The following WLS variants were observed in gnomAD, a reference collection of about 807,000 sequenced individuals.
WLS encodes the protein protein wntless homolog.
WLS carries 23 observed loss-of-function variants against 62.8 expected under a neutral mutation model. The ratio of observed to expected loss-of-function variants is 0.37; its 90% CI spans 0.26 to 0.52. The LOEUF (loss-of-function observed/expected upper bound fraction) is 0.52. Among genes scored for constraint, WLS ranks in the 20% least tolerant of loss-of-function variants. The pLI, the probability that WLS is intolerant of heterozygous loss-of-function variation, is 0.92. For synonymous variants in WLS, 246 were observed against 244.1 expected, an observed-to-expected ratio of 1.01 and a Z score of -0.07; for missense variants, 615 against 697.3, an observed-to-expected ratio of 0.88 and a Z score of 1.33.
At chr1:68,133,050 A>AGCT (rs1557464606) in intron 11 of WLS, among the ~76,000 whole-genome samples, 2 of 8,372 alleles carry the variant, frequency 2.4e-4, no homozygotes, top group African/African-American at 4.2e-4. Flanking sequence ...AAAAGGCAGC[A>AGCT]GCAGCAACAG....
rs1336116775 is a variant in WLS, at chr1:68,232,270, G to A, written c.30C>T (p.Ser10=). The A allele has an allele frequency of 4.3e-6, 7 of 1,613,700 alleles. No homozygotes were observed. In the African/African-American group the frequency reaches 8.0e-5, roughly 18 times the overall value. ...CACCAACAATGCACAGCTTCTTGGT[G>A]CTCATGTTTTCTATAATTGCCCCAG... MAGAIIENM[S]TKKLCIVGGI... is the part of the protein sequence containing the mutation. The change falls in exon 1 of 12, where the codon AGC becomes AGT. Residue 10 remains serine (S), a synonymous_variant. Coordinates refer to ENST00000262348, the MANE Select transcript of WLS (RefSeq NM_024911.7).
chr1:68,155,205 A>G lies in WLS; in HGVS notation c.560T>C (p.Ile187Thr), dbSNP rs1235240916. The stretch of plus-strand genomic sequence containing the variant: ...GTAAAACTTATGGGCCACAGACCCA[A>G]TTTCCATGAAAGGAAGGACATCACA... ...YECDVLPFME[I>T]GSVAHKFYLL... is the part of the protein sequence containing the mutation. The change falls in exon 4 of 12, where the codon ATT becomes ACT. Residue 187 changes from isoleucine to threonine, a missense_variant. Transcript: ENST00000262348. 6.2e-7 allele frequency: 1 copy of G among 1,613,908 alleles called. No homozygotes were observed. Among genetic ancestry groups the G allele is most frequent in the African/African-American group, 1.3e-5 (1 of 74,912 alleles).
intron 1 of WLS, among the ~76,000 whole-genome samples, chr1:68,199,460 T>C (rs1648874845): frequency 6.6e-6 from 1 of 152,154 alleles, no homozygotes; most frequent in African/African-American, 2.4e-5. Context: ...GAATGGGGGA[T>C]GGCCAAGGAG....
intron 3 of WLS, among the ~76,000 whole-genome samples, chr1:68,157,525 C>T (rs1043875426): frequency 5.3e-5 from 8 of 151,712 alleles, no homozygotes; most frequent in African/African-American, 1.7e-4. Flanking sequence ...AGTTCTCCCC[C>T]AACTCCAGCA....
At chr1:68,154,675 A>G (rs1004246525) in intron 4 of WLS, among the ~76,000 whole-genome samples, 2 of 152,198 alleles carry the variant, frequency 1.3e-5, no homozygotes, top group African/African-American at 2.4e-5. Flanking sequence ...GTTGAGATTG[A>G]AAAGAAATGG....
chr1:68,179,692 G>A (rs1239074763), intron 2 of WLS, among the ~76,000 whole-genome samples: 3 of 152,148 alleles, frequency 2.0e-5, no homozygotes, highest in African/African-American at 7.2e-5. Flanking sequence ...AAGCTGTCAG[G>A]AGGAAAGTCA....
chr1:68,162,540 G>A, intron 2 of WLS: 4 of 1,602,796 alleles, frequency 2.5e-6, no homozygotes, highest in Non-Finnish European at 3.4e-6. Context: ...AGCCGATGAG[G>A]CCCAGCATTT....
At chr1:68,228,112 T>C (rs903977257) in intron 1 of WLS, 8 of 353,884 alleles carry the variant, frequency 2.3e-5, no homozygotes, top group African/African-American at 1.7e-4. Context: ...CAGTATACAT[T>C]ACATCCTCAA....
chr1:68,133,550 G>A (rs541164180), intron 11 of WLS, among the ~76,000 whole-genome samples: 1 of 152,274 alleles, frequency 6.6e-6, no homozygotes, highest in African/African-American at 2.4e-5. Context: ...AGGAACTAAG[G>A]TATGAGGTAT....
At chr1:68,196,681 C>T (rs1648678506) in intron 1 of WLS, among the ~76,000 whole-genome samples, 1 of 152,066 alleles carries the variant, frequency 6.6e-6, no homozygotes, top group African/African-American at 2.4e-5. Flanking sequence ...TACCAGAAAA[C>T]TCAACACTAC....
At chr1:68,180,190 C>T (rs1481683179) in intron 2 of WLS, among the ~76,000 whole-genome samples, 1 of 151,784 alleles carries the variant, frequency 6.6e-6, no homozygotes. Flanking sequence ...TTGACCACTA[C>T]CAGTAACAGG....
At chr1:68,203,906 TA>T (rs765836846) in intron 1 of WLS, among the ~76,000 whole-genome samples, 9 of 152,232 alleles carry the variant, frequency 5.9e-5, no homozygotes, top group Non-Finnish European at 1.2e-4. Flanking sequence ...GAGCCTGAAC[TA>T]AATATAAGTT....
intron 1 of WLS, among the ~76,000 whole-genome samples, chr1:68,206,875 T>C (rs1649301962): frequency 6.6e-6 from 1 of 152,216 alleles, no homozygotes; most frequent in South Asian, 2.1e-4. Context: ...AAAGAAAAAG[T>C]TCCTACAAAT....
intron 10 of WLS, among the ~76,000 whole-genome samples, chr1:68,139,936 G>A (rs1646663245): frequency 6.6e-6 from 1 of 152,252 alleles, no homozygotes; most frequent in Admixed American, 6.5e-5. Flanking sequence ...ATGCCAATGT[G>A]TGACAAGTGT....
chr1:68,151,237 T>C (rs953688384), intron 5 of WLS, among the ~76,000 whole-genome samples: 1 of 152,084 alleles, frequency 6.6e-6, no homozygotes, highest in African/African-American at 2.4e-5. Flanking sequence ...GATGGAGGCA[T>C]AGAGGCCTGG....
intron 11 of WLS, among the ~76,000 whole-genome samples, chr1:68,107,704 T>G (rs1213342096): frequency 1.3e-5 from 2 of 152,252 alleles, no homozygotes; most frequent in Non-Finnish European, 2.9e-5. Flanking sequence ...TTACGTGCTT[T>G]ATTGCATTTG....
intron 10 of WLS, 60 bp downstream of exon 10, chr1:68,144,509 T>C (rs1646727978): frequency 6.6e-7 from 1 of 1,510,186 alleles, no homozygotes; most frequent in African/African-American, 1.4e-5. Context: ...TGAATTTCTG[T>C]GCAGGGTAGA....
At position 68,144,561 on chromosome 1, in the gene WLS, C is replaced by A; in HGVS notation, c.1362+8G>T. ...CATTCTCACCTTGACATCTCAGGGT[C>A]CACTTACCTGACTAACGATGAAGAA... is the stretch of plus-strand genomic sequence containing the variant. On this transcript the variant is annotated splice_region_variant and intron_variant, in intron 10 of 11. Transcript: ENST00000262348. 6.2e-7 allele frequency: 1 copy of A among 1,612,570 alleles called. No homozygotes were observed. Among genetic ancestry groups the A allele is most frequent in the South Asian group, 1.1e-5 (1 of 91,000 alleles).
chr1:68,212,775 C>T (rs1407692917), intron 1 of WLS, among the ~76,000 whole-genome samples: 2 of 152,246 alleles, frequency 1.3e-5, no homozygotes, highest in East Asian at 3.9e-4. Flanking sequence ...GCTTTCAGAT[C>T]TATAGTAGGT....
Sources: gnomAD v4.1 joint callset for allele counts (sites outside exome capture counted in the v4.1 genomes callset) on GRCh38, gnomAD v4.1.1 for gene constraint, MANE v1.5 for transcripts, NCBI Gene and HGNC (gene_info 2026-07-23, HGNC 2026-07-21) for gene names.